FBXO4: variants seen among roughly 807,000 people sequenced by gnomAD.
FBXO4 encodes F-box protein 4.
A neutral mutation model predicts 43.7 loss-of-function variants in FBXO4; 36 were observed. The observed-to-expected ratio is 0.82, with a 90% CI of 0.63 to 1.09. FBXO4 has a LOEUF of 1.09. Among genes scored for constraint, FBXO4 ranks in the 50% least tolerant of loss-of-function variants. The probability of loss-of-function intolerance (pLI) is 0.00; values close to 1 mark genes in which losing one functional copy is unlikely to be tolerated. For missense variants in FBXO4, 435 were observed against 474.1 expected, an observed-to-expected ratio of 0.92 and a Z score of 0.77; for synonymous variants, 180 against 165.6, an observed-to-expected ratio of 1.09 and a Z score of -0.67.
the FBXO4 span, among the ~76,000 whole-genome samples, chr5:42,006,885 C>T: frequency 3.8e-5 from 1 of 26,170 alleles, no homozygotes; most frequent in Non-Finnish European, 7.9e-5. Context: ...AAGGTTCATG[C>T]TGATATATAT....
intron 5 of FBXO4, among the ~76,000 whole-genome samples, chr5:41,938,483 G>C (rs1180894116): frequency 1.3e-5 from 2 of 152,186 alleles, no homozygotes; most frequent in South Asian, 2.1e-4. Context: ...AAGACGTATA[G>C]GATACATTTA....
At chr5:42,030,517 T>G in the FBXO4 span, among the ~76,000 whole-genome samples, 1 of 152,016 alleles carries the variant, frequency 6.6e-6, no homozygotes, top group Admixed American at 6.6e-5. Context: ...GAAGAAAACC[T>G]AGGCAATACC....
At chr5:42,018,745 GT>G in the FBXO4 span, among the ~76,000 whole-genome samples, 1 of 152,112 alleles carries the variant, frequency 6.6e-6, no homozygotes, top group African/African-American at 2.4e-5. Flanking sequence ...AGAGAAAGAA[GT>G]TTTTCTCTTT....
At chr5:41,981,292 G>A in the FBXO4 span, among the ~76,000 whole-genome samples, 1 of 151,948 alleles carries the variant, frequency 6.6e-6, no homozygotes, top group Non-Finnish European at 1.5e-5. Flanking sequence ...ATCCCAGTTA[G>A]AGTGAGATAT....
the FBXO4 span, among the ~76,000 whole-genome samples, chr5:42,006,574 A>AT: frequency 1.3e-5 from 2 of 151,938 alleles, no homozygotes; most frequent in Non-Finnish European, 2.9e-5. Flanking sequence ...TAAAAAGTCA[A>AT]TTTTTTGTCT....
chr5:41,935,438 A>G (rs146239727), intron 5 of FBXO4, among the ~76,000 whole-genome samples: 84 of 152,356 alleles, frequency 5.5e-4, no homozygotes, highest in African/African-American at 1.9e-3. Context: ...AATGAAGCCA[A>G]AGTTGTTTTC....
At chr5:41,934,360 G>A in intron 5 of FBXO4, 52 bp downstream of exon 5, 4 of 1,610,046 alleles carry the variant, frequency 2.5e-6, no homozygotes, top group Non-Finnish European at 3.4e-6. Flanking sequence ...CAAAGCAAAT[G>A]GAAAATACCT....
chr5:41,975,284 G>T, the FBXO4 span, among the ~76,000 whole-genome samples: 1 of 152,188 alleles, frequency 6.6e-6, no homozygotes, highest in Non-Finnish European at 1.5e-5. Flanking sequence ...TGCTGGAATT[G>T]TCTTTCTATA....
the FBXO4 span, among the ~76,000 whole-genome samples, chr5:41,973,851 A>T: frequency 4.4e-4 from 67 of 152,274 alleles, no homozygotes; most frequent in African/African-American, 1.6e-3. Flanking sequence ...TAAATAGCTG[A>T]TTATCTTTTA....
the FBXO4 span, among the ~76,000 whole-genome samples, chr5:41,996,081 G>T: frequency 1.3e-5 from 2 of 152,180 alleles, no homozygotes; most frequent in African/African-American, 2.4e-5. Context: ...TCCCCATGAG[G>T]CCATCAGTGC....
the FBXO4 span, chr5:41,951,529 C>A: frequency 3.8e-6 from 1 of 261,550 alleles, no homozygotes; most frequent in Non-Finnish European, 7.3e-6. Context: ...GAAATTCCTC[C>A]TTGGTCACAG....
the FBXO4 span, among the ~76,000 whole-genome samples, chr5:41,977,660 A>G: frequency 6.6e-6 from 1 of 152,110 alleles, no homozygotes; most frequent in Non-Finnish European, 1.5e-5. Flanking sequence ...TTTCTCAAAA[A>G]ACTCCTGACC....
chr5:42,008,692 A>G, the FBXO4 span, among the ~76,000 whole-genome samples: 5 of 152,168 alleles, frequency 3.3e-5, no homozygotes, highest in African/African-American at 1.2e-4. Context: ...TTTAATCATT[A>G]ATATTATCAT....
At chr5:41,934,665 T>C in intron 5 of FBXO4, 1 of 1,089,942 alleles carries the variant, frequency 9.2e-7, no homozygotes, top group Non-Finnish European at 1.1e-6. Context: ...GCTTCTGCAT[T>C]TTTTTGATAC....
At chr5:41,931,810 A>C (rs1308022237) in intron 3 of FBXO4, among the ~76,000 whole-genome samples, 2 of 152,160 alleles carry the variant, frequency 1.3e-5, no homozygotes, top group African/African-American at 4.8e-5. Context: ...TGTTTGGGGG[A>C]AGTGACTATT....
chr5:42,008,702 T>C, the FBXO4 span, among the ~76,000 whole-genome samples: 1 of 152,214 alleles, frequency 6.6e-6, no homozygotes, highest in East Asian at 1.9e-4. Context: ...AATATTATCA[T>C]GTTTTTCTAA....
At chr5:42,029,291 T>C in the FBXO4 span, among the ~76,000 whole-genome samples, 1 of 152,088 alleles carries the variant, frequency 6.6e-6, no homozygotes, top group East Asian at 1.9e-4. Context: ...GTAATGTTTT[T>C]ACTGAAAAAT....
chr5:41,995,337 C>T, the FBXO4 span, among the ~76,000 whole-genome samples: 1 of 152,138 alleles, frequency 6.6e-6, no homozygotes, highest in Non-Finnish European at 1.5e-5. Flanking sequence ...AAACCTCTGC[C>T]CTTTCTATGA....
chr5:41,946,932 C>A, the FBXO4 span, among the ~76,000 whole-genome samples: 4 of 152,296 alleles, frequency 2.6e-5, no homozygotes, highest in South Asian at 2.1e-4. Context: ...TAATTTCAAT[C>A]CCTAAATACT....
Sources: allele counts gnomAD v4.1 joint callset (sites outside exome capture counted in the v4.1 genomes callset), GRCh38; gene constraint gnomAD v4.1.1; transcripts MANE v1.5; gene names NCBI Gene and HGNC (gene_info 2026-07-23, HGNC 2026-07-21).